The following EBF2 variants were observed in gnomAD, a reference collection of about 807,000 sequenced individuals.
The protein encoded by EBF2 is EBF transcription factor 2.
A neutral mutation model predicts 72.8 loss-of-function variants in EBF2; 21 were observed. The ratio of observed to expected loss-of-function variants is 0.29; its 90% confidence interval spans 0.20 to 0.42. The LOEUF (loss-of-function observed/expected upper bound fraction) is 0.42. Among genes scored for constraint, EBF2 ranks in the 10% least tolerant of loss-of-function variants. EBF2 has a pLI of 1.00. For missense variants in EBF2, 637 were observed against 731.2 expected (o/e 0.87, Z 1.49); for synonymous variants, 299 against 274.2 (o/e 1.09, Z -0.89).
intron 1 of EBF2, among the ~76,000 whole-genome samples, chr8:26,043,453 C>T (rs7002640): frequency 0.31 from 47,538 of 152,212 alleles, 8,032 homozygotes; most frequent in African/African-American, 0.43. Context: ...AGGAAATGCG[C>T]GGCACAGTTG....
At chr8:25,978,607 G>A (rs1007618121) in intron 6 of EBF2, among the ~76,000 whole-genome samples, 3 of 152,168 alleles carry the variant, frequency 2.0e-5, no homozygotes, top group South Asian at 4.1e-4. Flanking sequence ...GAATGAAAGC[G>A]GAAAGGTGCG....
chr8:25,862,589 A>G (rs1301186004), intron 11 of EBF2, 120 bp downstream of exon 11: 3 of 610,008 alleles, frequency 4.9e-6, no homozygotes, highest in African/African-American at 1.9e-5. Flanking sequence ...TCTCGTATCT[A>G]AAGCTTAGCC....
intron 6 of EBF2, among the ~76,000 whole-genome samples, chr8:25,979,465 G>A (rs1320147938): frequency 6.6e-6 from 1 of 152,196 alleles, no homozygotes; most frequent in Non-Finnish European, 1.5e-5. Flanking sequence ...CCCTGTTTAA[G>A]GGGGAAGCAG....
chr8:25,871,202 T>G (rs1802434834), intron 10 of EBF2, among the ~76,000 whole-genome samples: 1 of 152,132 alleles, frequency 6.6e-6, no homozygotes, highest in African/African-American at 2.4e-5. Context: ...TCTCTGGCTT[T>G]TCAGTCCTGG....
chr8:26,029,993 C>G (rs538564845), intron 6 of EBF2, among the ~76,000 whole-genome samples: 8 of 152,250 alleles, frequency 5.3e-5, no homozygotes, highest in Admixed American at 2.0e-4. Flanking sequence ...TTCTCTGCAG[C>G]CTCCACCTCC....
At chr8:26,004,876 T>A (rs889972335) in intron 6 of EBF2, among the ~76,000 whole-genome samples, 4 of 151,842 alleles carry the variant, frequency 2.6e-5, no homozygotes, top group Non-Finnish European at 5.9e-5. Flanking sequence ...TAGCTCAAAC[T>A]GAGCCCCACC....
Position 26,015,788 on chromosome 8 carries a change from G to A in EBF2, c.551+17297C>T, listed in dbSNP as rs557689764. Reference sequence around the variant, plus strand: ...CAACCATCACTGCATTTCCTGACATGTGGCAAAGCCTAGGCCAATGAAGCC... The same window carrying A: ...CAACCATCACTGCATTTCCTGACATATGGCAAAGCCTAGGCCAATGAAGCC... On this transcript the variant is annotated intron_variant, in intron 6 of 15. Transcript: ENST00000520164. Among the ~76,000 whole-genome samples, 3 of 152,284 alleles carry A rather than the reference G, an allele frequency of 2.0e-5. No homozygotes were observed. The South Asian group carries it at 6.2e-4, about 32-fold the overall frequency.
intron 6 of EBF2, among the ~76,000 whole-genome samples, chr8:26,002,670 T>C (rs1804750461): frequency 6.6e-6 from 1 of 152,316 alleles, no homozygotes; most frequent in South Asian, 2.1e-4. Context: ...AGACTTCTTT[T>C]CCTTGCAGGC....
intron 7 of EBF2, among the ~76,000 whole-genome samples, chr8:25,895,579 A>G (rs566667824): frequency 6.6e-6 from 1 of 152,372 alleles, no homozygotes; most frequent in East Asian, 1.9e-4. Context: ...GTCTTCTACC[A>G]GTTCTCAAGA....
intron 6 of EBF2, among the ~76,000 whole-genome samples, chr8:25,962,071 G>C (rs935214453): frequency 6.6e-6 from 1 of 152,100 alleles, no homozygotes; most frequent in Non-Finnish European, 1.5e-5. Flanking sequence ...TAACAAGGAG[G>C]GGGCCAGGGA....
chr8:25,873,658 ATTAAT>A (rs1802475813), intron 10 of EBF2, among the ~76,000 whole-genome samples: 1 of 152,270 alleles, frequency 6.6e-6, no homozygotes, highest in East Asian at 1.9e-4. Context: ...TAAATGAAAT[ATTAAT>A]TTAATATTTA....
At chr8:25,939,367 C>G (rs1159739771) in intron 6 of EBF2, among the ~76,000 whole-genome samples, 1 of 152,120 alleles carries the variant, frequency 6.6e-6, no homozygotes, top group Non-Finnish European at 1.5e-5. Flanking sequence ...ACACATCACT[C>G]TGGTTACATA....
chr8:25,919,977 C>T (rs1006905632), intron 6 of EBF2, among the ~76,000 whole-genome samples: 1 of 152,046 alleles, frequency 6.6e-6, no homozygotes, highest in Non-Finnish European at 1.5e-5. Flanking sequence ...TATGCCAAAC[C>T]ATAGCTTTTG....
Position 25,861,206 on chromosome 8 carries a change from G to T in EBF2, c.1185C>A (p.Ala395=), listed in dbSNP as rs17054490. ...HNNQDIILKR[A]ADIAEALYSV... ...TGTAGAGAGCTTCAGCAATGTCTGC[G>T]GCTCGCTTCAAAATGATGTCCTACA... Residue 395 remains alanine (A), a synonymous_variant, in exon 13 of 16, where the codon GCC becomes GCA. Coordinates refer to ENST00000520164, the MANE Select transcript of EBF2 (RefSeq NM_022659.4). 1 of 1,613,076 alleles carries T rather than the reference G, an allele frequency of 6.2e-7. No individual in the cohort carries two copies. Among genetic ancestry groups the T allele is most frequent in the African/African-American group, 1.3e-5 (1 of 74,810 alleles).
Position 26,013,714 on chromosome 8 carries a change from A to G in EBF2, c.551+19371T>C, listed in dbSNP as rs1445275351. 2.6e-5 allele frequency among the ~76,000 whole-genome samples: 4 copies of G among 152,128 alleles called. No homozygotes were observed. The South Asian group carries it at 6.2e-4, about 24-fold the overall frequency. On this transcript the variant is annotated intron_variant, in intron 6 of 15. Coordinates refer to ENST00000520164, the MANE Select transcript of EBF2 (RefSeq NM_022659.4). ...ACTATTAAAAAAAAAAAATCAAGGCAAGACACAACAAGATGACTCCATGCT... is the reference window on the plus strand; with the variant it reads ...ACTATTAAAAAAAAAAAATCAAGGCGAGACACAACAAGATGACTCCATGCT...
At chr8:25,972,055 C>G (rs1263739787) in intron 6 of EBF2, among the ~76,000 whole-genome samples, 1 of 152,212 alleles carries the variant, frequency 6.6e-6, no homozygotes, top group African/African-American at 2.4e-5. Context: ...CTCCAGCTGA[C>G]AAGAGACAAG....
Position 25,844,268 on chromosome 8 carries a change from A to C in EBF2, c.*341T>G, listed in dbSNP as rs982938192. 3 of 182,898 alleles carry C rather than the reference A, an allele frequency of 1.6e-5. No homozygotes were observed. The highest frequency in any genetic ancestry group is 2.3e-5 in the African/African-American group (1 of 42,716). The allele number at this position is 182,898 out of a possible 1,614,324, so 11.3% of individuals were successfully genotyped here. ...CAAAGAAAAACAAATAGTATCCAAAATATTAAGCATTAATTGTTTGCCAAT... is the reference window on the plus strand; with the variant it reads ...CAAAGAAAAACAAATAGTATCCAAACTATTAAGCATTAATTGTTTGCCAAT... On this transcript the variant is annotated 3_prime_UTR_variant, in exon 16 of 16. Coordinates refer to ENST00000520164, the MANE Select transcript of EBF2 (RefSeq NM_022659.4).
chr8:26,014,358 A>G (rs963241300), intron 6 of EBF2, among the ~76,000 whole-genome samples: 4 of 147,310 alleles, frequency 2.7e-5, no homozygotes, highest in Non-Finnish European at 6.1e-5. Context: ...GACTTTTATT[A>G]TTAGTAGTAG....
intron 6 of EBF2, among the ~76,000 whole-genome samples, chr8:25,984,620 T>TG (rs763695261): frequency 6.6e-6 from 1 of 151,430 alleles, no homozygotes; most frequent in Non-Finnish European, 1.5e-5. Flanking sequence ...AGGCGGAGGT[T>TG]GCAATGAGCC....
Sources: gnomAD v4.1 joint callset for allele counts (sites outside exome capture counted in the v4.1 genomes callset) on GRCh38, gnomAD v4.1.1 for gene constraint, MANE v1.5 for transcripts, NCBI Gene and HGNC (gene_info 2026-07-23, HGNC 2026-07-21) for gene names.